The following CSMD1 variants were observed in gnomAD, a reference collection of about 807,000 sequenced individuals.
CSMD1 encodes CUB and sushi domain-containing protein 1.
CSMD1 carries 213 observed loss-of-function variants against 417.5 expected under a neutral mutation model. The observed-to-expected ratio is 0.51, with a 90% CI of 0.46 to 0.57. The LOEUF is 0.57. CSMD1 is among the 20% of genes least tolerant of loss of function. The probability of loss-of-function intolerance (pLI) is 0.00; values close to 1 mark genes in which losing one functional copy is unlikely to be tolerated. For missense variants in CSMD1, 6,923 were observed against 4,529.7 expected, an observed-to-expected ratio of 1.53 and a Z score of -15.17; for synonymous variants, 2,862 against 1,736.8, an observed-to-expected ratio of 1.65 and a Z score of -16.11.
chr8:3,525,960 C>G lies in CSMD1; in HGVS notation c.1345-32234G>C, dbSNP rs373232941. On this transcript the variant is annotated intron_variant, in intron 10 of 69. Transcript: ENST00000635120. Reference sequence around the variant, plus strand: ...ATTGTTCTTAAGCCTTACAACAATTCTTCAGCTCTGGTAAAATCAGCACCT... The same window carrying G: ...ATTGTTCTTAAGCCTTACAACAATTGTTCAGCTCTGGTAAAATCAGCACCT... Among the ~76,000 whole-genome samples the G allele has an allele frequency of 5.6e-4, 85 of 152,288 alleles. 1 individual carries two copies. In the South Asian group the frequency reaches 0.017, roughly 30 times the overall value.
At chr8:3,936,567 T>C (rs956231862) in intron 5 of CSMD1, among the ~76,000 whole-genome samples, 3 of 152,178 alleles carry the variant, frequency 2.0e-5, no homozygotes, top group Admixed American at 6.5e-5. Flanking sequence ...GCCGGGAAGA[T>C]AGCACATCTC....
chr8:4,685,108 T>C (rs897150730), intron 1 of CSMD1, among the ~76,000 whole-genome samples: 2 of 152,194 alleles, frequency 1.3e-5, no homozygotes, highest in African/African-American at 4.8e-5. Context: ...TCTATTATTA[T>C]GAAGATTCAA....
At chr8:4,475,178 A>G (rs1800733419) in intron 2 of CSMD1, among the ~76,000 whole-genome samples, 1 of 152,222 alleles carries the variant, frequency 6.6e-6, no homozygotes, top group South Asian at 2.1e-4. Flanking sequence ...ATGGTTGCCT[A>G]TAATACAGGG....
chr8:4,729,588 T>TA (rs1470959320), intron 1 of CSMD1, among the ~76,000 whole-genome samples: 7 of 151,958 alleles, frequency 4.6e-5, no homozygotes, highest in African/African-American at 7.3e-5. Flanking sequence ...GAGAAACATA[T>TA]AAAAAAACAA....
chr8:3,295,599 C>G (rs964584124), intron 25 of CSMD1, among the ~76,000 whole-genome samples: 7 of 152,184 alleles, frequency 4.6e-5, no homozygotes, highest in East Asian at 1.9e-4. Context: ...TTCCACTGTA[C>G]TGATGCAAGG....
intron 5 of CSMD1, among the ~76,000 whole-genome samples, chr8:3,821,386 G>T (rs184801817): frequency 2.6e-5 from 4 of 152,158 alleles, no homozygotes; most frequent in Admixed American, 2.6e-4. Context: ...TTTGCATATG[G>T]CACCATCACC....
intron 10 of CSMD1, among the ~76,000 whole-genome samples, chr8:3,566,290 C>G (rs773956174): frequency 1.3e-5 from 2 of 152,044 alleles, no homozygotes; most frequent in African/African-American, 4.8e-5. Flanking sequence ...AGGTGGAGGA[C>G]TTAGTATTTG....
intron 3 of CSMD1, among the ~76,000 whole-genome samples, chr8:4,159,688 AC>A (rs1797037487): frequency 6.6e-6 from 1 of 152,142 alleles, no homozygotes; most frequent in African/African-American, 2.4e-5. Context: ...TCCCGGGTTC[AC>A]GCCATTCTCC....
At chr8:4,043,236 T>C (rs1299361369) in intron 3 of CSMD1, among the ~76,000 whole-genome samples, 2 of 151,924 alleles carry the variant, frequency 1.3e-5, no homozygotes, top group African/African-American at 4.8e-5. Context: ...CAAAGACAAA[T>C]GTTACAGCTA....
chr8:3,009,526 G>T, intron 52 of CSMD1, among the ~76,000 whole-genome samples: 1 of 152,132 alleles, frequency 6.6e-6, no homozygotes, highest in Non-Finnish European at 1.5e-5. Flanking sequence ...AAAATGTCAG[G>T]TGCATCAGAT....
chr8:3,594,910 A>G (rs191112124), intron 8 of CSMD1, among the ~76,000 whole-genome samples: 1 of 152,304 alleles, frequency 6.6e-6, no homozygotes, highest in Admixed American at 6.5e-5. Context: ...AATGTGAGCA[A>G]AAACCAGGAG....
chr8:3,657,698 G>C (rs1317305230), intron 7 of CSMD1, among the ~76,000 whole-genome samples: 2 of 152,120 alleles, frequency 1.3e-5, no homozygotes, highest in African/African-American at 4.8e-5. Context: ...CCTGTCAGTG[G>C]GTAGGGGGCT....
At chr8:4,941,822 C>G (rs1042379881) in intron 1 of CSMD1, among the ~76,000 whole-genome samples, 1 of 152,160 alleles carries the variant, frequency 6.6e-6, no homozygotes, top group African/African-American at 2.4e-5. Context: ...TGGTCTTGAA[C>G]TCCTGAGCTC....
intron 7 of CSMD1, among the ~76,000 whole-genome samples, chr8:3,653,145 T>G (rs1416518773): frequency 6.6e-6 from 1 of 151,928 alleles, no homozygotes; most frequent in African/African-American, 2.4e-5. Flanking sequence ...AAATTCAAAT[T>G]TTTTCAAGTT....
At chr8:4,862,702 T>TG (rs1802206721) in intron 1 of CSMD1, among the ~76,000 whole-genome samples, 1 of 152,018 alleles carries the variant, frequency 6.6e-6, no homozygotes, top group Non-Finnish European at 1.5e-5. Flanking sequence ...AGCAAGGCCA[T>TG]GGGAGGAACT....
intron 1 of CSMD1, among the ~76,000 whole-genome samples, chr8:4,647,888 T>G (rs577331930): frequency 6.6e-6 from 1 of 152,368 alleles, no homozygotes; most frequent in Admixed American, 6.5e-5. Flanking sequence ...CATGTGCATG[T>G]GTCTTTATAG....
chr8:3,499,961 G>C (rs1796527663), intron 10 of CSMD1, among the ~76,000 whole-genome samples: 2 of 152,258 alleles, frequency 1.3e-5, no homozygotes, highest in South Asian at 4.1e-4. Context: ...GTGGGCTGCA[G>C]GTAGCTCCCT....
chr8:3,314,807 G>T lies in CSMD1; in HGVS notation c.3632-6304C>A, dbSNP rs915774857. ...CTTGCTTTTAGCTTTCAAGTATTCG[G>T]ATTAGTTCTTATCTTCCAAATAAAG... On this transcript the variant is annotated intron_variant, in intron 23 of 69. Transcript: ENST00000635120. Among the ~76,000 whole-genome samples, 8 of 152,146 alleles carry T rather than the reference G, an allele frequency of 5.3e-5. No individual in the cohort carries two copies. The South Asian group carries it at 1.7e-3, about 32-fold the overall frequency.
chr8:4,504,401 C>G (rs1018897163), intron 2 of CSMD1, among the ~76,000 whole-genome samples: 2 of 152,128 alleles, frequency 1.3e-5, no homozygotes, highest in African/African-American at 4.8e-5. Context: ...ATCCGATGAA[C>G]AACATTGTGC....
Sources: allele counts gnomAD v4.1 joint callset (sites outside exome capture counted in the v4.1 genomes callset), GRCh38; gene constraint gnomAD v4.1.1; transcripts MANE v1.5; gene names NCBI Gene and HGNC (gene_info 2026-07-23, HGNC 2026-07-21).